SLC5A4: variants seen among roughly 807,000 people sequenced by gnomAD.
SLC5A4 encodes solute carrier family 5 member 4.
Under a neutral mutation model 70.3 loss-of-function variants are expected in SLC5A4, and 55 were observed. That is an observed-to-expected ratio of 0.78 (90% CI 0.63 to 0.98). The LOEUF is 0.98. SLC5A4 is among the 50% of genes least tolerant of loss of function. The pLI, the probability that SLC5A4 is intolerant of heterozygous loss-of-function variation, is 0.00. For synonymous variants in SLC5A4, 268 were observed against 305.7 expected (o/e 0.88, Z 1.29); for missense variants, 735 against 839.2 (o/e 0.88, Z 1.53).
the SLC5A4 span, among the ~76,000 whole-genome samples, chr22:32,292,163 TAA>T: frequency 8.3e-5 from 3 of 36,216 alleles, no homozygotes; most frequent in Admixed American, 3.7e-4. Context: ...ATTATATATA[TAA>T]TATATACTAG....
chr22:32,339,847 A>G, the SLC5A4 span, among the ~76,000 whole-genome samples: 1 of 152,226 alleles, frequency 6.6e-6, no homozygotes, highest in South Asian at 2.1e-4. Context: ...TCCTGGACCC[A>G]GACCAGGACT....
At chr22:32,325,445 T>C in the SLC5A4 span, among the ~76,000 whole-genome samples, 3 of 152,194 alleles carry the variant, frequency 2.0e-5, no homozygotes, top group Admixed American at 1.3e-4. Flanking sequence ...CAGGTCACTC[T>C]GGGCAGATGG....
upstream of SLC5A4, among the ~76,000 whole-genome samples, chr22:32,259,982 C>T (rs1487803617): frequency 1.3e-5 from 2 of 152,208 alleles, no homozygotes; most frequent in African/African-American, 4.8e-5. Flanking sequence ...CCTGCCCCGA[C>T]CCCAACCCCA....
the SLC5A4 span, among the ~76,000 whole-genome samples, chr22:32,279,100 C>A: frequency 6.6e-6 from 1 of 152,060 alleles, no homozygotes; most frequent in Admixed American, 6.5e-5. Context: ...CACGGTGAAA[C>A]CCCGTCTCCA....
chr22:32,304,528 C>G, the SLC5A4 span, among the ~76,000 whole-genome samples: 1 of 152,206 alleles, frequency 6.6e-6, no homozygotes, highest in Non-Finnish European at 1.5e-5. Flanking sequence ...ACCTTCCCGC[C>G]TCAGCCTCCC....
the SLC5A4 span, among the ~76,000 whole-genome samples, chr22:32,328,392 A>C: frequency 6.6e-6 from 1 of 152,214 alleles, no homozygotes; most frequent in East Asian, 1.9e-4. Flanking sequence ...CAGGCATGGG[A>C]TGTCCCTTCC....
chr22:32,311,595 T>A, the SLC5A4 span, among the ~76,000 whole-genome samples: 3 of 152,196 alleles, frequency 2.0e-5, no homozygotes, highest in Non-Finnish European at 2.9e-5. Flanking sequence ...TCTAGAACCC[T>A]CCTCTCTGGG....
chr22:32,251,379 C>T (rs1414580714), intron 3 of SLC5A4, among the ~76,000 whole-genome samples: 1 of 151,976 alleles, frequency 6.6e-6, no homozygotes, highest in Non-Finnish European at 1.5e-5. Flanking sequence ...AGATGGATCC[C>T]ATTATTGAGA....
chr22:32,289,979 G>A, the SLC5A4 span, among the ~76,000 whole-genome samples: 2 of 152,160 alleles, frequency 1.3e-5, no homozygotes, highest in African/African-American at 4.8e-5. Flanking sequence ...TTCTCTGGAA[G>A]AGCTTGTGTA....
At chr22:32,350,225 C>T in the SLC5A4 span, among the ~76,000 whole-genome samples, 1 of 152,284 alleles carries the variant, frequency 6.6e-6, no homozygotes, top group East Asian at 1.9e-4. Flanking sequence ...CGAAATAATT[C>T]AGTCAACTGA....
the SLC5A4 span, among the ~76,000 whole-genome samples, chr22:32,345,156 A>G: frequency 6.6e-6 from 1 of 152,212 alleles, no homozygotes; most frequent in African/African-American, 2.4e-5. Context: ...ACATTTAAAA[A>G]ACAATATTCA....
At chr22:32,230,576 A>T (rs953535418) in intron 10 of SLC5A4, among the ~76,000 whole-genome samples, 2 of 152,134 alleles carry the variant, frequency 1.3e-5, no homozygotes, top group African/African-American at 4.8e-5. Context: ...GCCCCCCAAA[A>T]AGCATAATAA....
At chr22:32,245,543 C>T (rs1003196037) in intron 5 of SLC5A4, among the ~76,000 whole-genome samples, 8 of 152,178 alleles carry the variant, frequency 5.3e-5, no homozygotes, top group Admixed American at 1.3e-4. Flanking sequence ...TTTTTTGAGA[C>T]GGAGTCTCGC....
the SLC5A4 span, among the ~76,000 whole-genome samples, chr22:32,332,964 T>C: frequency 6.6e-6 from 1 of 152,212 alleles, no homozygotes; most frequent in Admixed American, 6.5e-5. Context: ...CAAAGCGTTT[T>C]TCAAATCCAT....
In SLC5A4 at chr22:32,220,974, C is replaced by T. The variant is rs757754001; in HGVS notation, c.1714G>A (p.Asp572Asn). Residue 572 changes from aspartate (D) to asparagine (N), a missense_variant, in exon 14 of 15, where the codon GAT (aspartate) becomes AAT (asparagine). By Grantham distance (23) the Asp-to-Asn change is conservative. Transcript: ENST00000266086. ...VLRNSTEERI[D>N]IDAEEKSQEE... is the part of the protein sequence containing the mutation. ...TGACTTTTCTCTTCTGCATCTATAT[C>T]GATTCGCTCCTCTGTACTGTTCCGA... The T allele has an allele frequency of 6.8e-6, 11 of 1,613,912 alleles. No individual in the cohort carries two copies. The highest frequency in any genetic ancestry group is 1.6e-4 in the Middle Eastern group (1 of 6,084).
At chr22:32,255,923 G>T (rs1471043234), upstream of SLC5A4, among the ~76,000 whole-genome samples, 1 of 152,124 alleles carries the variant, frequency 6.6e-6, no homozygotes, top group African/African-American at 2.4e-5. Context: ...TGTGGAGAGC[G>T]CTGGGTCAGA....
At chr22:32,269,997 C>T in the SLC5A4 span, 4 of 502,268 alleles carry the variant, frequency 8.0e-6, no homozygotes, top group Admixed American at 1.0e-4. The surrounding 1 kb of genome is among the most constrained non-coding windows in gnomAD (Gnocchi z 4.1). Flanking sequence ...TCCTCAAGTA[C>T]ACCGAGAAGC....
chr22:32,333,826 CCA>C, the SLC5A4 span, among the ~76,000 whole-genome samples: 1 of 149,798 alleles, frequency 6.7e-6, no homozygotes, highest in African/African-American at 2.5e-5. Flanking sequence ...CACACACACA[CCA>C]CATAGACCCT....
intron 8 of SLC5A4, 46 bp downstream of exon 8, chr22:32,234,827 C>G (rs1190569369): frequency 8.4e-7 from 1 of 1,197,000 alleles, no homozygotes; most frequent in East Asian, 2.5e-5. Flanking sequence ...TACAGACACA[C>G]AGACAGACAG....
Sources: gnomAD v4.1 joint callset for allele counts (sites outside exome capture counted in the v4.1 genomes callset) on GRCh38, gnomAD v4.1.1 for gene constraint, Gnocchi (gnomAD v3.1) non-coding constraint, MANE v1.5 for transcripts, NCBI Gene and HGNC (gene_info 2026-07-23, HGNC 2026-07-21) for gene names.